Variants in AHCYL2 observed in about 807,000 individuals in gnomAD.
AHCYL2 encodes adenosylhomocysteinase like 2.
AHCYL2 carries 28 observed loss-of-function variants against 81.4 expected under a neutral mutation model. That is an observed-to-expected ratio of 0.34 (90% CI 0.25 to 0.47). AHCYL2 has a LOEUF of 0.47. AHCYL2 is among the 20% of genes least tolerant of loss of function. AHCYL2 has a pLI of 1.00. For missense variants in AHCYL2, 551 were observed against 785.1 expected, an observed-to-expected ratio of 0.70 and a Z score of 3.56; for synonymous variants, 272 against 290.2, an observed-to-expected ratio of 0.94 and a Z score of 0.64.
chr7:129,400,460 G>T, intron 6 of AHCYL2, 76 bp downstream of exon 6: 1 of 1,362,348 alleles, frequency 7.3e-7, no homozygotes, highest in South Asian at 1.4e-5. Flanking sequence ...CCTAGGAGAG[G>T]GTTTCCCAAC....
chr7:129,294,135 A>G (rs1796972427), intron 1 of AHCYL2, among the ~76,000 whole-genome samples: 1 of 152,212 alleles, frequency 6.6e-6, no homozygotes, highest in Non-Finnish European at 1.5e-5. Context: ...GCATTTAAAT[A>G]TATGTTTAGT....
At chr7:129,314,233 A>G (rs1209005454) in intron 1 of AHCYL2, among the ~76,000 whole-genome samples, 3 of 152,196 alleles carry the variant, frequency 2.0e-5, no homozygotes, top group African/African-American at 7.2e-5. Context: ...CCTCAAGTCT[A>G]ACTATGGTTT....
chr7:129,357,951 A>G (rs1369540826), intron 1 of AHCYL2, among the ~76,000 whole-genome samples: 1 of 151,484 alleles, frequency 6.6e-6, no homozygotes, highest in African/African-American at 2.4e-5. Flanking sequence ...AAAAAAAAGA[A>G]AGTGGGGCCT....
At chr7:129,350,313 G>A (rs1793511422) in intron 1 of AHCYL2, among the ~76,000 whole-genome samples, 2 of 151,962 alleles carry the variant, frequency 1.3e-5, no homozygotes, top group South Asian at 4.2e-4. Context: ...AGCATTATAA[G>A]GATTAAATGA....
intron 1 of AHCYL2, among the ~76,000 whole-genome samples, chr7:129,367,653 C>T (rs1794173346): frequency 6.6e-6 from 1 of 152,172 alleles, no homozygotes; most frequent in Admixed American, 6.5e-5. Context: ...TCCTCTAAAC[C>T]TACACTGTGG....
At chr7:129,254,284 A>G (rs1008714635) in intron 1 of AHCYL2, among the ~76,000 whole-genome samples, 2 of 152,218 alleles carry the variant, frequency 1.3e-5, no homozygotes, top group African/African-American at 4.8e-5. Context: ...ACAAAGCACC[A>G]TTAATGGACA....
chr7:129,376,341 G>A (rs1441037951), intron 1 of AHCYL2, among the ~76,000 whole-genome samples: 1 of 152,134 alleles, frequency 6.6e-6, no homozygotes, highest in Non-Finnish European at 1.5e-5. Context: ...CGTTTCTTGC[G>A]GAAAATTGCA....
At chr7:129,337,435 C>T (rs1584797329) in intron 1 of AHCYL2, among the ~76,000 whole-genome samples, 1 of 151,960 alleles carries the variant, frequency 6.6e-6, no homozygotes, top group African/African-American at 2.4e-5. Context: ...GAGTCTCGCT[C>T]TTCTCCCAGG....
At chr7:129,425,610 G>A (rs1056479687) in intron 15 of AHCYL2, among the ~76,000 whole-genome samples, 3 of 152,190 alleles carry the variant, frequency 2.0e-5, no homozygotes, top group Non-Finnish European at 4.4e-5. Context: ...TGGAATAGGA[G>A]CTATTTAGTT....
At chr7:129,393,401 G>A (rs978340436) in intron 4 of AHCYL2, among the ~76,000 whole-genome samples, 4 of 152,206 alleles carry the variant, frequency 2.6e-5, no homozygotes, top group African/African-American at 9.7e-5. Flanking sequence ...CAGCCTGGGT[G>A]ACAGAGTGAG....
At chr7:129,324,687 T>C (rs537091802) in intron 1 of AHCYL2, among the ~76,000 whole-genome samples, 1 of 152,248 alleles carries the variant, frequency 6.6e-6, no homozygotes, top group Admixed American at 6.5e-5. Flanking sequence ...GGCTAATTTT[T>C]TGTGTTTTTA....
chr7:129,388,750 G>T (rs1026207526), intron 2 of AHCYL2: 2 of 256,768 alleles, frequency 7.8e-6, no homozygotes, highest in Non-Finnish European at 1.5e-5. Context: ...CCACGATCTT[G>T]CATTAGGAAC....
intron 1 of AHCYL2, among the ~76,000 whole-genome samples, chr7:129,333,876 AT>A (rs1192774362): frequency 6.6e-6 from 1 of 152,096 alleles, no homozygotes; most frequent in Non-Finnish European, 1.5e-5. Context: ...TTGAAAAAAC[AT>A]TTTTTTCATG....
At chr7:129,328,360 T>C (rs1463517049) in intron 1 of AHCYL2, among the ~76,000 whole-genome samples, 4 of 150,646 alleles carry the variant, frequency 2.7e-5, no homozygotes, top group Admixed American at 1.3e-4. Context: ...GTACTTTTAA[T>C]TGAGATGGGG....
At chr7:129,302,001 A>G (rs975269523) in intron 1 of AHCYL2, among the ~76,000 whole-genome samples, 7 of 152,024 alleles carry the variant, frequency 4.6e-5, no homozygotes, top group African/African-American at 1.7e-4. Context: ...GATTGTTCCA[A>G]TCCGTGGACA....
At chr7:129,402,407 T>A (rs1269271250) in intron 6 of AHCYL2, among the ~76,000 whole-genome samples, 1 of 152,186 alleles carries the variant, frequency 6.6e-6, no homozygotes, top group Non-Finnish European at 1.5e-5. Flanking sequence ...ATGGCAGTTT[T>A]GGCACTTATA....
intron 1 of AHCYL2, among the ~76,000 whole-genome samples, chr7:129,256,542 A>G (rs796485501): frequency 5.1e-5 from 3 of 58,496 alleles, no homozygotes; most frequent in Admixed American, 1.9e-4. Flanking sequence ...CCCGCCCCCC[A>G]CCCCCCACCC....
At chr7:129,383,409 A>G (rs945661718) in intron 2 of AHCYL2, among the ~76,000 whole-genome samples, 12 of 151,842 alleles carry the variant, frequency 7.9e-5, no homozygotes, top group African/African-American at 2.9e-4. Context: ...GCCTCAAGCA[A>G]TCCTCCTCCC....
At chr7:129,230,168 C>T (rs1257721705) in intron 1 of AHCYL2, among the ~76,000 whole-genome samples, 3 of 148,046 alleles carry the variant, frequency 2.0e-5, no homozygotes, top group African/African-American at 5.0e-5. Flanking sequence ...CTGAAACCTC[C>T]GCCTCCTGGG....
Sources: allele counts gnomAD v4.1 joint callset (sites outside exome capture counted in the v4.1 genomes callset), GRCh38; gene constraint gnomAD v4.1.1; transcripts MANE v1.5; gene names NCBI Gene and HGNC (gene_info 2026-07-23, HGNC 2026-07-21).